AKR1C8: variants seen among roughly 807,000 people sequenced by gnomAD.
The protein encoded by AKR1C8 is aldo-keto reductase family 1 member C8, also known as aldo-keto reductase family 1 member C-like protein 1.
At chr10:5,144,453 A>G in the AKR1C8 span, among the ~76,000 whole-genome samples, 7 of 151,988 alleles carry the variant, frequency 4.6e-5, no homozygotes, top group South Asian at 1.5e-3. Flanking sequence ...GAATCTGTAA[A>G]TTACCTTGGG....
At chr10:5,117,969 A>G in the AKR1C8 span, among the ~76,000 whole-genome samples, 2 of 152,138 alleles carry the variant, frequency 1.3e-5, no homozygotes, top group Non-Finnish European at 2.9e-5. Flanking sequence ...TATGCCAACC[A>G]TAGCATTCTG....
chr10:5,183,716 G>T, the AKR1C8 span, among the ~76,000 whole-genome samples: 3 of 152,076 alleles, frequency 2.0e-5, no homozygotes, highest in Non-Finnish European at 2.9e-5. Flanking sequence ...AACAGTTAGA[G>T]TGAGTTCTTG....
the AKR1C8 span, among the ~76,000 whole-genome samples, chr10:5,179,670 G>GTTCGT: frequency 6.1e-5 from 9 of 146,842 alleles, no homozygotes; most frequent in African/African-American, 2.3e-4. Flanking sequence ...TGGAGGCTTT[G>GTTCGT]TTCTTTTTAT....
chr10:5,134,285 G>A, the AKR1C8 span, among the ~76,000 whole-genome samples: 4 of 152,046 alleles, frequency 2.6e-5, no homozygotes, highest in African/African-American at 4.8e-5. Flanking sequence ...AAAGTAAACC[G>A]CTAGTGTTGA....
chr10:5,130,280 A>G, the AKR1C8 span, among the ~76,000 whole-genome samples: 1 of 152,014 alleles, frequency 6.6e-6, no homozygotes, highest in African/African-American at 2.4e-5. Context: ...TGAAAATAAT[A>G]AAAGCCATAT....
chr10:5,144,725 C>A, the AKR1C8 span, among the ~76,000 whole-genome samples: 1 of 152,058 alleles, frequency 6.6e-6, no homozygotes, highest in Non-Finnish European at 1.5e-5. Context: ...GATTTTGTAT[C>A]CTGAGACTTT....
At chr10:5,178,719 C>G in the AKR1C8 span, among the ~76,000 whole-genome samples, 15 of 152,232 alleles carry the variant, frequency 9.9e-5, no homozygotes, top group South Asian at 1.2e-3. Context: ...GAATTGATCC[C>G]TTTACCATTA....
chr10:5,157,151 A>T, the AKR1C8 span, among the ~76,000 whole-genome samples: 1 of 152,332 alleles, frequency 6.6e-6, no homozygotes, highest in Non-Finnish European at 1.5e-5. Flanking sequence ...AGCACACTGA[A>T]GTATTAGCAA....
At chr10:5,157,837 C>A in the AKR1C8 span, 1 of 451,030 alleles carries the variant, frequency 2.2e-6, no homozygotes. Context: ...GTGAAGGATG[C>A]AGGATGGAAA....
At chr10:5,141,191 C>A in the AKR1C8 span, among the ~76,000 whole-genome samples, 1 of 152,058 alleles carries the variant, frequency 6.6e-6, no homozygotes, top group Admixed American at 6.6e-5. Context: ...TAGATTTCAA[C>A]CCAAGAACAA....
the AKR1C8 span, among the ~76,000 whole-genome samples, chr10:5,140,706 T>C: frequency 3.3e-5 from 5 of 151,834 alleles, no homozygotes; most frequent in African/African-American, 1.2e-4. Flanking sequence ...AAATGACGAG[T>C]TAATGGGTGC....
chr10:5,184,920 C>T, the AKR1C8 span: 215 of 440,968 alleles, frequency 4.9e-4, 1 homozygote, highest in African/African-American at 3.7e-3. Flanking sequence ...TTCCAAGCAT[C>T]CACTGTCTAC....
chr10:5,144,033 CTA>C, the AKR1C8 span, among the ~76,000 whole-genome samples: 3 of 151,976 alleles, frequency 2.0e-5, no homozygotes, highest in African/African-American at 7.2e-5. Flanking sequence ...ATTGGTAACT[CTA>C]TATATGATAC....
At chr10:5,178,238 C>G in the AKR1C8 span, among the ~76,000 whole-genome samples, 1 of 152,090 alleles carries the variant, frequency 6.6e-6, no homozygotes, top group Middle Eastern at 3.2e-3. Flanking sequence ...TCGTTATGTA[C>G]CCAGTAGTCA....
the AKR1C8 span, among the ~76,000 whole-genome samples, chr10:5,166,087 C>A: frequency 9.2e-5 from 14 of 152,080 alleles, no homozygotes; most frequent in African/African-American, 3.4e-4. Context: ...TAAGGGACAT[C>A]TTTTCTCCTC....
At chr10:5,182,729 G>A in the AKR1C8 span, among the ~76,000 whole-genome samples, 1 of 152,060 alleles carries the variant, frequency 6.6e-6, no homozygotes, top group African/African-American at 2.4e-5. Context: ...GGGCAACATA[G>A]TGAAACCCTG....
At chr10:5,150,027 T>C in the AKR1C8 span, among the ~76,000 whole-genome samples, 1 of 152,230 alleles carries the variant, frequency 6.6e-6, no homozygotes, top group East Asian at 1.9e-4. Context: ...TGTCATAAAA[T>C]TGTTTTAGTC....
At chr10:5,129,182 T>C in the AKR1C8 span, among the ~76,000 whole-genome samples, 23 of 152,224 alleles carry the variant, frequency 1.5e-4, no homozygotes, top group African/African-American at 5.1e-4. Flanking sequence ...TGAATGATTT[T>C]GGGTTAACAA....
At chr10:5,118,732 C>T in the AKR1C8 span, among the ~76,000 whole-genome samples, 21 of 152,090 alleles carry the variant, frequency 1.4e-4, no homozygotes, top group Non-Finnish European at 2.5e-4. Flanking sequence ...TATGTTGGTT[C>T]TCTTATTAAT....
Sources: gnomAD v4.1 joint callset for allele counts (sites outside exome capture counted in the v4.1 genomes callset) on GRCh38, gnomAD v4.1.1 for gene constraint, MANE v1.5 for transcripts, NCBI Gene and HGNC (gene_info 2026-07-23, HGNC 2026-07-21) for gene names.